SKAP2: variants seen among roughly 807,000 people sequenced by gnomAD.
SKAP2 encodes src kinase associated phosphoprotein 2, also known as src kinase-associated phosphoprotein 2.
Under a neutral mutation model 54.9 loss-of-function variants are expected in SKAP2, and 28 were observed. That is an observed-to-expected ratio of 0.51 (90% CI 0.38 to 0.70). SKAP2 has a LOEUF of 0.70. SKAP2 is among the 30% of genes least tolerant of loss of function. The pLI is 0.00. For synonymous variants in SKAP2, 137 were observed against 134.3 expected, an observed-to-expected ratio of 1.02 and a Z score of -0.14; for missense variants, 356 against 424.1, an observed-to-expected ratio of 0.84 and a Z score of 1.41.
intron 4 of SKAP2, among the ~76,000 whole-genome samples, chr7:26,813,961 G>A (rs1487441778): frequency 2.0e-5 from 3 of 152,074 alleles, no homozygotes; most frequent in Admixed American, 6.6e-5. Flanking sequence ...AATTCAGGGC[G>A]TTTCTTGATA....
intron 4 of SKAP2, among the ~76,000 whole-genome samples, chr7:26,740,704 T>G (rs977009518): frequency 6.6e-6 from 1 of 152,156 alleles, no homozygotes; most frequent in African/African-American, 2.4e-5. Flanking sequence ...AATAGTTATC[T>G]GCCGGGCGCA....
chr7:26,746,120 T>A (rs1048631854), intron 4 of SKAP2, among the ~76,000 whole-genome samples: 2 of 152,192 alleles, frequency 1.3e-5, no homozygotes, highest in Non-Finnish European at 2.9e-5. Flanking sequence ...GCTTCCACTA[T>A]CCTTCCAGTT....
chr7:26,839,858 T>C (rs1584420394), intron 4 of SKAP2, among the ~76,000 whole-genome samples: 1 of 152,050 alleles, frequency 6.6e-6, no homozygotes, highest in Non-Finnish European at 1.5e-5. Flanking sequence ...TTTTAGACAC[T>C]TTCTAAGAGC....
chr7:26,725,358 A>ACACACACACACACT, intron 9 of SKAP2, 70 bp downstream of exon 9: 2 of 937,590 alleles, frequency 2.1e-6, no homozygotes, highest in Non-Finnish European at 3.1e-6. Context: ...ACACACACAA[A>ACACACACACACACT]CACACACACA....
intron 4 of SKAP2, among the ~76,000 whole-genome samples, chr7:26,765,260 T>C (rs570560023): frequency 6.6e-6 from 1 of 152,358 alleles, no homozygotes; most frequent in East Asian, 1.9e-4. Flanking sequence ...ATATGTTTTT[T>C]GGCCACATAT....
At chr7:26,856,874 A>G (rs1286686022) in intron 1 of SKAP2, among the ~76,000 whole-genome samples, 1 of 152,164 alleles carries the variant, frequency 6.6e-6, no homozygotes, top group East Asian at 1.9e-4. Flanking sequence ...ATCCAAGTTT[A>G]AACAAACAAT....
intron 4 of SKAP2, among the ~76,000 whole-genome samples, chr7:26,799,114 ACAAGGCAAGGCAAGGCAAGG>A (rs111943470): frequency 1.3e-5 from 2 of 148,762 alleles, no homozygotes; most frequent in Admixed American, 6.7e-5. Context: ...GCAAGGCAAG[ACAAGGCAAGGCAAGGCAAGG>A]CAAGGCAAGG....
At chr7:26,689,533 T>A (rs1786732596) in intron 10 of SKAP2, among the ~76,000 whole-genome samples, 1 of 152,200 alleles carries the variant, frequency 6.6e-6, no homozygotes, top group South Asian at 2.1e-4. Flanking sequence ...CTTGGGGATA[T>A]GTGCCAAGTG....
At chr7:26,835,873 C>T (rs1353273055) in intron 4 of SKAP2, among the ~76,000 whole-genome samples, 5 of 152,050 alleles carry the variant, frequency 3.3e-5, no homozygotes, top group Admixed American at 2.6e-4. Flanking sequence ...AAAAAGAGCC[C>T]GTATAGCCAA....
At chr7:26,807,424 A>G (rs1425219824) in intron 4 of SKAP2, among the ~76,000 whole-genome samples, 1 of 152,198 alleles carries the variant, frequency 6.6e-6, no homozygotes, top group East Asian at 1.9e-4. Flanking sequence ...AGTGTTTGGC[A>G]GTTCCCTCCT....
intron 4 of SKAP2, among the ~76,000 whole-genome samples, chr7:26,782,257 A>T (rs1194067324): frequency 6.6e-6 from 1 of 152,212 alleles, no homozygotes; most frequent in Non-Finnish European, 1.5e-5. Flanking sequence ...CTGATAATTA[A>T]TATAAGGTAG....
intron 4 of SKAP2, among the ~76,000 whole-genome samples, chr7:26,805,957 C>T (rs576261426): frequency 1.3e-5 from 2 of 152,192 alleles, no homozygotes; most frequent in African/African-American, 4.8e-5. Context: ...GGCTTTGTGT[C>T]TCTGTGTCAC....
At chr7:26,762,153 C>T (rs1394486004) in intron 4 of SKAP2, among the ~76,000 whole-genome samples, 1 of 152,036 alleles carries the variant, frequency 6.6e-6, no homozygotes, top group African/African-American at 2.4e-5. Flanking sequence ...ACATCTATTG[C>T]AGCTACTCGG....
intron 4 of SKAP2, among the ~76,000 whole-genome samples, chr7:26,796,235 C>T (rs1330049506): frequency 1.3e-5 from 2 of 152,180 alleles, no homozygotes; most frequent in African/African-American, 4.8e-5. Context: ...ATAAAATTAA[C>T]TGTAGTATAT....
At chr7:26,755,614 A>G (rs905199011) in intron 4 of SKAP2, among the ~76,000 whole-genome samples, 2 of 152,128 alleles carry the variant, frequency 1.3e-5, no homozygotes, top group Admixed American at 1.3e-4. Flanking sequence ...CCATTAGAAT[A>G]TAAGTTCCAA....
chr7:26,695,836 A>G (rs1384568898), intron 9 of SKAP2, among the ~76,000 whole-genome samples: 1 of 152,118 alleles, frequency 6.6e-6, no homozygotes, highest in Non-Finnish European at 1.5e-5. Flanking sequence ...CTAAAGTTAC[A>G]CACTATTTGG....
chr7:26,767,336 G>C (rs1391165955), intron 4 of SKAP2, among the ~76,000 whole-genome samples: 1 of 152,052 alleles, frequency 6.6e-6, no homozygotes, highest in East Asian at 1.9e-4. Context: ...ATTTTTTATT[G>C]TGTCTATTCG....
At chr7:26,684,502 G>A (rs1271694766) in intron 11 of SKAP2, among the ~76,000 whole-genome samples, 1 of 152,174 alleles carries the variant, frequency 6.6e-6, no homozygotes, top group Non-Finnish European at 1.5e-5. Context: ...TGTCAGCCAA[G>A]GGCTGAAGTG....
intron 4 of SKAP2, among the ~76,000 whole-genome samples, chr7:26,759,658 T>C (rs756854446): frequency 6.6e-6 from 1 of 152,122 alleles, no homozygotes; most frequent in Non-Finnish European, 1.5e-5. Flanking sequence ...CTCACCACTA[T>C]CCCTTCTCAA....
Sources: gnomAD v4.1 joint callset for allele counts (sites outside exome capture counted in the v4.1 genomes callset) on GRCh38, gnomAD v4.1.1 for gene constraint, MANE v1.5 for transcripts, NCBI Gene and HGNC (gene_info 2026-07-23, HGNC 2026-07-21) for gene names.